FAM153A: variants seen among roughly 807,000 people sequenced by gnomAD.
FAM153A encodes family with sequence similarity 153 member A, also known as protein FAM153A.
FAM153A carries 12 observed loss-of-function variants against 48.1 expected under a neutral mutation model. The ratio of observed to expected loss-of-function variants is 0.25; its 90% CI spans 0.16 to 0.40. The LOEUF is 0.40. Ranked by LOEUF, FAM153A falls within the 10% of genes least tolerant of loss-of-function variation. The pLI is 1.00. For missense variants in FAM153A, 111 were observed against 345.8 expected (o/e 0.32, Z 5.38); for synonymous variants, 36 against 118.2 (o/e 0.30, Z 4.51).
At chr5:177,711,126 G>A (rs1163899462) in exon 27 of FAM153A, 1 of 151,842 alleles carries the variant, frequency 6.6e-6, no homozygotes, top group Non-Finnish European at 1.5e-5. Context: ...TGTGTATACT[G>A]TACATATAAC....
chr5:177,700,147 T>A, the FAM153A span, among the ~76,000 whole-genome samples: 3 of 151,964 alleles, frequency 2.0e-5, no homozygotes, highest in East Asian at 3.9e-4. Flanking sequence ...TTTGATAAAA[T>A]TCAAAATAAA....
chr5:177,737,517 T>A lies in FAM153A; in HGVS notation c.563-405A>T, dbSNP rs144001014. On this transcript the variant is annotated intron_variant, in intron 10 of 20. Transcript: ENST00000614127. ...TGCTGTGTATTTTGTCCCTCCTAGATTTATTATTATTATTATTTTTGAGAT... is the reference window on the plus strand; with the variant it reads ...TGCTGTGTATTTTGTCCCTCCTAGAATTATTATTATTATTATTTTTGAGAT... Among the ~76,000 whole-genome samples the A allele has an allele frequency of 8.2e-3, 1,236 of 150,036 alleles. 24 individuals carry two copies. The highest frequency in any genetic ancestry group is 0.03 in the African/African-American group (1,194 of 39,580).
chr5:177,755,143 A>G (rs1767582452), upstream of FAM153A, among the ~76,000 whole-genome samples: 1 of 151,940 alleles, frequency 6.6e-6, no homozygotes. Flanking sequence ...TCCTTAAATG[A>G]CCTGATGGAG....
chr5:177,729,433 A>G, intron 17 of FAM153A, 52 bp downstream of exon 19: 4 of 1,581,406 alleles, frequency 2.5e-6, no homozygotes, highest in South Asian at 1.1e-5. Flanking sequence ...ATTGAAACAG[A>G]GAAACCGAGA....
At chr5:177,704,207 C>T (rs1176518103), downstream of FAM153A, among the ~76,000 whole-genome samples, 1 of 53,208 alleles carries the variant, frequency 1.9e-5, no homozygotes, top group South Asian at 1.1e-3. Flanking sequence ...ACCCTGGAGG[C>T]GGTTTCTCTG....
chr5:177,758,691 T>C (rs2127708795), intron 1 of FAM153A, among the ~76,000 whole-genome samples: 1 of 151,072 alleles, frequency 6.6e-6, no homozygotes, highest in South Asian at 2.1e-4. Flanking sequence ...AACTATCTGA[T>C]CTTTGACAAA....
downstream of FAM153A, chr5:177,708,100 CAT>C (rs1322966468): frequency 6.6e-4 from 102 of 153,550 alleles, 2 homozygotes; most frequent in Non-Finnish European, 3.4e-4. Context: ...ATGAAATAAA[CAT>C]AAACTGTGGT....
chr5:177,697,349 G>A, the FAM153A span, among the ~76,000 whole-genome samples: 116 of 151,926 alleles, frequency 7.6e-4, no homozygotes, highest in Non-Finnish European at 1.0e-3. Flanking sequence ...TTGTTTAGCT[G>A]GGTGGTTTTG....
upstream of FAM153A, among the ~76,000 whole-genome samples, chr5:177,755,537 A>G (rs1204941289): frequency 6.6e-6 from 1 of 151,790 alleles, no homozygotes; most frequent in Non-Finnish European, 1.5e-5. Flanking sequence ...TAATTGTCAG[A>G]TTCACCAAAG....
downstream of FAM153A, among the ~76,000 whole-genome samples, chr5:177,718,815 G>T (rs1334609166): frequency 9.4e-5 from 14 of 148,374 alleles, no homozygotes; most frequent in African/African-American, 3.5e-4. Context: ...AATAAAGCAG[G>T]CCTTAAAGTA....
chr5:177,702,690 G>A, the FAM153A span, among the ~76,000 whole-genome samples: 5 of 151,892 alleles, frequency 3.3e-5, no homozygotes, highest in Non-Finnish European at 7.3e-5. Flanking sequence ...GTCCTGTGCA[G>A]CCTCGGGACA....
downstream of FAM153A, among the ~76,000 whole-genome samples, chr5:177,705,905 G>A (rs536809414): frequency 5.9e-5 from 9 of 151,460 alleles, no homozygotes; most frequent in Non-Finnish European, 8.8e-5. Context: ...TGATCTGCCC[G>A]CCTCGGCCTC....
the FAM153A span, among the ~76,000 whole-genome samples, chr5:177,702,064 C>T: frequency 1.5e-3 from 229 of 151,776 alleles, no homozygotes; most frequent in South Asian, 0.015. Flanking sequence ...CCCGCCATCA[C>T]GCCCGGCTAA....
downstream of FAM153A, chr5:177,722,029 C>G (rs1038551583): frequency 3.3e-5 from 5 of 150,680 alleles, no homozygotes; most frequent in Admixed American, 1.3e-4. Context: ...AGAATGAAAA[C>G]AATTGGAAAA....
downstream of FAM153A, among the ~76,000 whole-genome samples, chr5:177,706,416 G>C (rs1757896275): frequency 6.6e-6 from 1 of 151,532 alleles, no homozygotes; most frequent in South Asian, 2.1e-4. Flanking sequence ...AGCCAGGATG[G>C]TCTCGATATC....
At position 177,711,891 on chromosome 5, in the gene FAM153A, C is replaced by G. The variant is rs1758539376; in HGVS notation, c.*2671G>C. 2.0e-5 allele frequency: 3 copies of G among 151,868 alleles called. 1 individual carries two copies. Among genetic ancestry groups the G allele is most frequent in the African/African-American group, 7.3e-5 (3 of 41,120 alleles). 9.4% of individuals were successfully genotyped at this position (151,868 alleles called of 1,614,324 possible). Reference sequence around the variant, plus strand: ...GGACTTGACCAGGTGACTTTCTTTGCTCAATGTAGCATTAGCAGACTTGGT... The same window carrying G: ...GGACTTGACCAGGTGACTTTCTTTGGTCAATGTAGCATTAGCAGACTTGGT... On this transcript the variant is annotated 3_prime_UTR_variant and NMD_transcript_variant, in exon 27 of 27. Coordinates refer to the FAM153A transcript ENST00000360669.
At chr5:177,705,911 G>A (rs530753913), downstream of FAM153A, among the ~76,000 whole-genome samples, 19 of 151,678 alleles carry the variant, frequency 1.3e-4, no homozygotes, top group African/African-American at 4.6e-4. Context: ...GCCCGCCTCG[G>A]CCTCCCAAAG....
intron 11 of FAM153A, 151 bp downstream of exon 13, chr5:177,736,891 T>C: frequency 2.6e-6 from 2 of 767,412 alleles, no homozygotes; most frequent in Non-Finnish European, 1.9e-6. Flanking sequence ...AACCACTCTT[T>C]AGTTGATAAT....
chr5:177,711,791 A>T (rs1380533811), exon 27 of FAM153A: 2 of 151,860 alleles, frequency 1.3e-5, no homozygotes, highest in African/African-American at 4.9e-5. Context: ...GGCAGATTAT[A>T]TTACTCTCAA....
Sources: allele counts gnomAD v4.1 joint callset (sites outside exome capture counted in the v4.1 genomes callset), GRCh38; gene constraint gnomAD v4.1.1; transcripts MANE v1.5; gene names NCBI Gene and HGNC (gene_info 2026-07-23, HGNC 2026-07-21).